The following HDAC9 variants were observed in gnomAD, a reference collection of about 807,000 sequenced individuals.
HDAC9 encodes MEF-2 interacting transcription repressor (MITR) protein.
In HDAC9, 41 loss-of-function variants were observed where a neutral mutation model predicts 139.4. The observed-to-expected ratio is 0.29, with a 90% CI of 0.23 to 0.38. The LOEUF is 0.38. Among genes scored for constraint, HDAC9 ranks in the 10% least tolerant of loss-of-function variants. The pLI, the probability that HDAC9 is intolerant of heterozygous loss-of-function variation, is 1.00. For missense variants in HDAC9, 1,147 were observed against 1,297.0 expected (o/e 0.88, Z 1.78); for synonymous variants, 517 against 476.2 (o/e 1.09, Z -1.12).
intron 2 of HDAC9, among the ~76,000 whole-genome samples, chr7:18,512,556 C>T (rs1448565879): frequency 6.6e-6 from 1 of 152,086 alleles, no homozygotes; most frequent in Non-Finnish European, 1.5e-5. Flanking sequence ...CCAAATTAAT[C>T]TACATATCTC....
At chr7:18,448,611 C>G (rs776652994) in intron 1 of HDAC9, among the ~76,000 whole-genome samples, 1 of 152,076 alleles carries the variant, frequency 6.6e-6, no homozygotes, top group Non-Finnish European at 1.5e-5. Context: ...AAATATTCCA[C>G]TTTTGAAAAT....
At chr7:18,331,225 A>G (rs1748672642) in intron 1 of HDAC9, among the ~76,000 whole-genome samples, 1 of 151,698 alleles carries the variant, frequency 6.6e-6, no homozygotes, top group South Asian at 2.1e-4. Flanking sequence ...TTAGTTGTTT[A>G]ATTTTAGCCA....
intron 24 of HDAC9, among the ~76,000 whole-genome samples, chr7:18,974,730 C>G (rs1429070684): frequency 6.6e-6 from 1 of 152,090 alleles, no homozygotes; most frequent in African/African-American, 2.4e-5. Flanking sequence ...GAAATAAAGG[C>G]CACTCATAAA....
intron 1 of HDAC9, among the ~76,000 whole-genome samples, chr7:18,414,455 A>T (rs1027512432): frequency 4.5e-4 from 68 of 151,634 alleles, no homozygotes; most frequent in African/African-American, 1.5e-3. Context: ...TAAATAACTT[A>T]TCTCAGCCTA....
chr7:18,168,926 T>TGTGTGTGC (rs1407586998), intron 2 of HDAC9, among the ~76,000 whole-genome samples: 142 of 129,968 alleles, frequency 1.1e-3, no homozygotes, highest in Middle Eastern at 8.3e-3. Flanking sequence ...TGTGTGTGTG[T>TGTGTGTGC]GCGCGCATGT....
intron 12 of HDAC9, among the ~76,000 whole-genome samples, chr7:18,709,378 A>C (rs1282349248): frequency 6.6e-6 from 1 of 152,132 alleles, no homozygotes; most frequent in Non-Finnish European, 1.5e-5. Flanking sequence ...ACATGATCTC[A>C]TTCCTTTTTA....
At chr7:18,930,878 G>A (rs1804678175) in intron 22 of HDAC9, among the ~76,000 whole-genome samples, 1 of 152,044 alleles carries the variant, frequency 6.6e-6, no homozygotes, top group Non-Finnish European at 1.5e-5. Context: ...TCTAAATTTG[G>A]CATTTTATGG....
At chr7:18,306,871 C>T (rs1695296868) in intron 1 of HDAC9, among the ~76,000 whole-genome samples, 1 of 152,106 alleles carries the variant, frequency 6.6e-6, no homozygotes, top group Non-Finnish European at 1.5e-5. Flanking sequence ...CCCCCACTTA[C>T]TTAAATTCTT....
At chr7:18,613,348 C>T (rs978744618) in intron 6 of HDAC9, among the ~76,000 whole-genome samples, 5 of 151,804 alleles carry the variant, frequency 3.3e-5, no homozygotes, top group Non-Finnish European at 5.9e-5. Flanking sequence ...GAAAAGGAGG[C>T]GAGCAAATTT....
intron 1 of HDAC9, among the ~76,000 whole-genome samples, chr7:18,129,254 T>A (rs1784858493): frequency 6.6e-6 from 1 of 152,182 alleles, no homozygotes; most frequent in African/African-American, 2.4e-5. Context: ...AAACAGTTTT[T>A]AAACTGATAT....
At chr7:18,485,189 A>G (rs1391143978) in intron 1 of HDAC9, among the ~76,000 whole-genome samples, 1 of 152,170 alleles carries the variant, frequency 6.6e-6, no homozygotes, top group Non-Finnish European at 1.5e-5. Flanking sequence ...AATTCATTGT[A>G]CCTAATGAAG....
chr7:18,828,576 G>A (rs992545447), intron 17 of HDAC9, among the ~76,000 whole-genome samples: 9 of 152,298 alleles, frequency 5.9e-5, no homozygotes, highest in East Asian at 3.9e-4. Context: ...AGTCTTGGCG[G>A]TCATCCAAGC....
In HDAC9 at chr7:18,750,397, C is replaced by T. The variant is rs185825271; in HGVS notation, c.2043+1259C>T. ...GTAGTTGAGATTGTGAATGAATATACCACAACACCATGTACAGATTTAGTC... is the reference window on the plus strand; with the variant it reads ...GTAGTTGAGATTGTGAATGAATATATCACAACACCATGTACAGATTTAGTC... On this transcript the variant is annotated intron_variant, in intron 14 of 25. Transcript: ENST00000686413. Among the ~76,000 whole-genome samples, 40 of 139,492 alleles carry T rather than the reference C, an allele frequency of 2.9e-4. 1 individual carries two copies. The highest frequency in any genetic ancestry group is 2.0e-3 in the Admixed American group (29 of 14,208). 91.5% of individuals were successfully genotyped at this position (139,492 alleles called of 152,430 possible).
At chr7:18,980,990 A>AT (rs998560099) in intron 25 of HDAC9, among the ~76,000 whole-genome samples, 11 of 151,346 alleles carry the variant, frequency 7.3e-5, no homozygotes, top group South Asian at 6.3e-4. Context: ...TGGCCAGCTA[A>AT]TTTTTTTTGT....
intron 1 of HDAC9, among the ~76,000 whole-genome samples, chr7:18,433,628 C>A (rs1430732748): frequency 6.6e-6 from 1 of 152,090 alleles, no homozygotes; most frequent in Non-Finnish European, 1.5e-5. Context: ...CAACAACATC[C>A]AAGCTGAGAA....
At chr7:18,143,282 G>T (rs922007213) in intron 1 of HDAC9, among the ~76,000 whole-genome samples, 3 of 152,124 alleles carry the variant, frequency 2.0e-5, no homozygotes, top group Non-Finnish European at 4.4e-5. Flanking sequence ...AGGAAATTAA[G>T]TTATATTACT....
chr7:18,762,027 G>T, intron 14 of HDAC9, 130 bp from the exon 15 acceptor site: 1 of 971,198 alleles, frequency 1.0e-6, no homozygotes, highest in South Asian at 1.6e-5. Context: ...ACTTTACTAA[G>T]CAAATCAGTG....
rs370041408 is a variant in HDAC9 at position 18,839,837 on chromosome 7, T to G, written c.2684+3840T>G. ...CCATTGATGAGGATTGGGCACATTA[T>G]TTTTTCTAAAGACTAATTCTTTTAA... On this transcript the variant is annotated intron_variant, in intron 21 of 25. Transcript: ENST00000686413. Among the ~76,000 whole-genome samples the G allele has an allele frequency of 1.4e-4, 21 of 152,180 alleles. No individual in the cohort carries two copies. The East Asian group carries it at 3.5e-3, about 25-fold the overall frequency.
intron 2 of HDAC9, among the ~76,000 whole-genome samples, chr7:18,270,238 G>A (rs775484100): frequency 6.6e-6 from 1 of 151,662 alleles, no homozygotes; most frequent in Non-Finnish European, 1.5e-5. Flanking sequence ...ATCCTCAGTG[G>A]GATATCTTGA....
Sources: gnomAD v4.1 joint callset for allele counts (sites outside exome capture counted in the v4.1 genomes callset) on GRCh38, gnomAD v4.1.1 for gene constraint, MANE v1.5 for transcripts, NCBI Gene and HGNC (gene_info 2026-07-23, HGNC 2026-07-21) for gene names.